The following GP6 variants were observed in gnomAD, a reference collection of about 807,000 sequenced individuals.
The protein encoded by GP6 is platelet glycoprotein VI.
GP6 carries 45 observed loss-of-function variants against 37.3 expected under a neutral mutation model. The ratio of observed to expected loss-of-function variants is 1.21; its 90% CI spans 0.95 to 1.55. GP6 has a LOEUF of 1.55. Among genes scored for constraint, GP6 ranks in the 40% most tolerant of loss-of-function variants. The probability of loss-of-function intolerance (pLI) is 0.00; values close to 1 mark genes in which losing one functional copy is unlikely to be tolerated. For missense variants in GP6, 813 were observed against 760.2 expected (o/e 1.07, Z -0.82); for synonymous variants, 340 against 316.4 (o/e 1.07, Z -0.79).
rs1671203 is a variant in GP6 at position 55,031,417 on chromosome 19, G to A, written c.325+722C>T. Among the ~76,000 whole-genome samples the A allele has an allele frequency of 4.7e-3, 710 of 152,120 alleles. 8 individuals are homozygous for A. Among genetic ancestry groups the A allele is most frequent in the African/African-American group, 0.016 (679 of 41,516 alleles). On this transcript the variant is annotated intron_variant, in intron 3 of 7. Coordinates refer to ENST00000310373, the MANE Select transcript of GP6 (RefSeq NM_001083899.2). ...CTCCTATGAACAGCCACTGCACTCC[G>A]GCCTGGGCAGTGTAGCAAGACCCCA...
At chr19:55,022,860 G>A (rs193231588) in intron 5 of GP6, among the ~76,000 whole-genome samples, 15 of 152,234 alleles carry the variant, frequency 9.9e-5, no homozygotes, top group East Asian at 9.6e-4. Context: ...AAATCAGAGC[G>A]GACACAAACA....
At chr19:55,019,343 T>G (rs2146733225) in intron 5 of GP6, among the ~76,000 whole-genome samples, 1 of 152,136 alleles carries the variant, frequency 6.6e-6, no homozygotes, top group Middle Eastern at 3.4e-3. Context: ...TCTCCTGACC[T>G]CGTGATCCAC....
At chr19:55,029,409 G>T (rs77861387) in intron 3 of GP6, among the ~76,000 whole-genome samples, 38 of 78,754 alleles carry the variant, frequency 4.8e-4, no homozygotes, top group African/African-American at 2.0e-3. Context: ...TTTTTTTTGG[G>T]AAACAGAATC....
intron 5 of GP6, among the ~76,000 whole-genome samples, chr19:55,021,238 C>A (rs1192275138): frequency 2.0e-5 from 3 of 148,678 alleles, no homozygotes; most frequent in Non-Finnish European, 4.4e-5. Context: ...GTGGCAGGCG[C>A]CTGTAGTCCC....
chr19:55,024,347 T>C (rs76852538), intron 5 of GP6, among the ~76,000 whole-genome samples: 7 of 55,390 alleles, frequency 1.3e-4, no homozygotes, highest in South Asian at 5.0e-4. Context: ...CACACGCACA[T>C]GCACGCACAC....
chr19:55,017,666 CAG>C (rs1186352978), intron 6 of GP6, among the ~76,000 whole-genome samples: 1 of 152,058 alleles, frequency 6.6e-6, no homozygotes, highest in Non-Finnish European at 1.5e-5. Flanking sequence ...GAGGGATCAA[CAG>C]GGGCTGGATA....
chr19:55,015,024 T>C lies in GP6; in HGVS notation c.921A>G (p.Ala307=). 6.2e-7 allele frequency: 1 copy of C among 1,611,506 alleles called. No individual in the cohort carries two copies. Among genetic ancestry groups the C allele is most frequent in the South Asian group, 1.1e-5 (1 of 90,620 alleles). The stretch of plus-strand genomic sequence containing the variant: ...GGGCGGGAGGGGCGGAAGCGGCCTC[T>C]GCACAGCCCTGCCCCTGTGCCGCAG... Residue 307 remains alanine, a synonymous_variant, in exon 8 of 8, where the codon GCA becomes GCG. Coordinates refer to ENST00000310373, the MANE Select transcript of GP6 (RefSeq NM_001083899.2).
At chr19:55,017,493 G>C (rs983829354) in intron 6 of GP6, among the ~76,000 whole-genome samples, 4 of 152,086 alleles carry the variant, frequency 2.6e-5, no homozygotes, top group African/African-American at 9.7e-5. Flanking sequence ...GACGGTCAAG[G>C]CTTTCTTGAG....
chr19:55,032,748 T>C (rs1310230553), intron 1 of GP6: 5 of 657,030 alleles, frequency 7.6e-6, no homozygotes, highest in Non-Finnish European at 1.4e-5. Flanking sequence ...ATATCCAGAA[T>C]AGGTAAATCT....
rs775635724 is a variant in GP6, at chr19:55,014,953, G to C, written c.992C>G (p.Thr331Arg). The change falls in exon 8 of 8, where the codon ACA (threonine) becomes AGA (arginine). Residue 331 changes from threonine (T) to arginine (R), a missense_variant. Physicochemically the swap from Thr to Arg is moderately conservative, Grantham distance 71. Coordinates refer to ENST00000310373, the MANE Select transcript of GP6 (RefSeq NM_001083899.2). Reference sequence around the variant, plus strand: ...CATAACCCGCGGCTGTGAACATCCTGTCGGCCTCCATCCTGACCCCCGTTT... The same window carrying C: ...CATAACCCGCGGCTGTGAACATCCTCTCGGCCTCCATCCTGACCCCCGTTT... 87 of 1,613,630 alleles carry C rather than the reference G, an allele frequency of 5.4e-5. No individual in the cohort carries two copies. Among genetic ancestry groups the C allele is most frequent in the Non-Finnish European group, 7.2e-5 (85 of 1,179,952 alleles).
Position 55,014,349 on chromosome 19 carries a change from G to A in GP6, c.1596C>T (p.Pro532=). 4 of 1,610,160 alleles carry A rather than the reference G, an allele frequency of 2.5e-6. No individual in the cohort carries two copies. Among genetic ancestry groups the A allele is most frequent in the Non-Finnish European group, 3.4e-6 (4 of 1,176,840 alleles). Residue 532 remains proline (P), a synonymous_variant, in exon 8 of 8, where the codon CCC becomes CCT. Coordinates refer to ENST00000310373, the MANE Select transcript of GP6 (RefSeq NM_001083899.2). ...GGCTGATCTTGTTTTCTAATGTGAA[G>A]GGAAGCGGGCAACGTGCTAGTTTTA...
intron 1 of GP6, among the ~76,000 whole-genome samples, chr19:55,035,196 C>T (rs1384151734): frequency 6.6e-6 from 1 of 152,000 alleles, no homozygotes; most frequent in Admixed American, 6.6e-5. Flanking sequence ...TAGATTCAAA[C>T]CCTAGCAGCA....
intron 2 of GP6, 34 bp from the exon 3 acceptor site, chr19:55,032,430 G>A (rs780748321): frequency 1.4e-5 from 23 of 1,610,658 alleles, no homozygotes; most frequent in African/African-American, 8.0e-5. Flanking sequence ...CAGCCTCCCC[G>A]CAGACCCCGC....
In GP6 at chr19:55,015,094, G is replaced by A. The variant is rs763803376; in HGVS notation, c.851C>T (p.Pro284Leu). 1 of 1,595,258 alleles carries A rather than the reference G, an allele frequency of 6.3e-7. No individual in the cohort carries two copies. Among genetic ancestry groups the A allele is most frequent in the Non-Finnish European group, 8.5e-7 (1 of 1,171,206 alleles). ...CAGTCCTCTGCCAGAAACCCCGCCA[G>A]GATTATTAGGATCACAGCCCCGAGG... The change falls in exon 8 of 8, where the codon CCT (proline) becomes CTT (leucine). Residue 284 changes from proline to leucine, a missense_variant. Transcript: ENST00000310373.
At chr19:55,017,203 A>G (rs2073909241) in intron 6 of GP6, among the ~76,000 whole-genome samples, 1 of 150,772 alleles carries the variant, frequency 6.6e-6, no homozygotes, top group South Asian at 2.1e-4. Flanking sequence ...TGCAACCTCC[A>G]ACTCGTGAGT....
intron 5 of GP6, among the ~76,000 whole-genome samples, chr19:55,020,945 G>A (rs896106361): frequency 7.9e-5 from 12 of 151,430 alleles, no homozygotes; most frequent in Middle Eastern, 3.2e-3. Context: ...CCAGCTACTC[G>A]GGAGGCTGAG....
In GP6 at chr19:55,027,730, G is replaced by A. The variant is rs1245597279; in HGVS notation, c.458C>T (p.Pro153Leu). 1 of 1,613,948 alleles carries A rather than the reference G, an allele frequency of 6.2e-7. No individual in the cohort carries two copies. Among genetic ancestry groups the A allele is most frequent in the South Asian group, 1.1e-5 (1 of 91,082 alleles). Reference sequence around the variant, plus strand: ...GTACCATCTCTCGGGATTCTTGTAGGGCGCAGGGTCCCCTTCCTTGTACAG... The same window carrying A: ...GTACCATCTCTCGGGATTCTTGTAGAGCGCAGGGTCCCCTTCCTTGTACAG... Residue 153 changes from proline to leucine, a missense_variant, in exon 4 of 8, where the codon CCC becomes CTC. Pro to Leu is a moderately conservative substitution (Grantham distance 98, BLOSUM62 -3). Transcript: ENST00000310373.
intron 1 of GP6, among the ~76,000 whole-genome samples, chr19:55,037,909 C>T (rs1172260030): frequency 6.6e-6 from 1 of 152,092 alleles, no homozygotes; most frequent in Admixed American, 6.6e-5. Flanking sequence ...GCGTGAGCCA[C>T]TGTGCCTGGC....
intron 1 of GP6, 108 bp from the exon 2 acceptor site, chr19:55,032,646 A>G: frequency 1.7e-6 from 2 of 1,167,594 alleles, no homozygotes; most frequent in Admixed American, 3.9e-5. Context: ...ACTCTGTCCT[A>G]ATAATTTCTT....
Sources: gnomAD v4.1 joint callset for allele counts (sites outside exome capture counted in the v4.1 genomes callset) on GRCh38, gnomAD v4.1.1 for gene constraint, MANE v1.5 for transcripts, NCBI Gene and HGNC (gene_info 2026-07-23, HGNC 2026-07-21) for gene names.